CCSER1: variants seen among roughly 807,000 people sequenced by gnomAD.
CCSER1 encodes the protein serine-rich coiled-coil domain-containing protein 1.
A neutral mutation model predicts 82.0 loss-of-function variants in CCSER1; 41 were observed. The ratio of observed to expected loss-of-function variants is 0.50; its 90% confidence interval spans 0.39 to 0.65. CCSER1 has a LOEUF of 0.65. Among genes scored for constraint, CCSER1 ranks in the 30% least tolerant of loss-of-function variants. The probability of loss-of-function intolerance (pLI) is 0.00; values close to 1 mark genes in which losing one functional copy is unlikely to be tolerated. For missense variants in CCSER1, 1,119 were observed against 1,064.2 expected, an observed-to-expected ratio of 1.05 and a Z score of -0.72; for synonymous variants, 414 against 383.9, an observed-to-expected ratio of 1.08 and a Z score of -0.92.
At chr4:91,547,012 G>A (rs1175683877) in intron 10 of CCSER1, among the ~76,000 whole-genome samples, 2 of 137,650 alleles carry the variant, frequency 1.5e-5, no homozygotes, top group Non-Finnish European at 3.1e-5. Flanking sequence ...TTAGGAGTGT[G>A]TTGTTTAAAT....
intron 10 of CCSER1, among the ~76,000 whole-genome samples, chr4:91,266,397 G>C (rs1353211618): frequency 1.3e-5 from 2 of 152,052 alleles, no homozygotes; most frequent in South Asian, 2.1e-4. Flanking sequence ...GACTACAGGT[G>C]CCCGCCACCA....
intron 1 of CCSER1, among the ~76,000 whole-genome samples, chr4:90,290,312 G>A (rs570159959): frequency 3.4e-4 from 51 of 151,734 alleles, no homozygotes; most frequent in Admixed American, 7.9e-4. Flanking sequence ...TTATATTACC[G>A]AACATTTATA....
intron 10 of CCSER1, among the ~76,000 whole-genome samples, chr4:91,177,548 G>A (rs1463202532): frequency 6.6e-6 from 1 of 152,124 alleles, no homozygotes; most frequent in Non-Finnish European, 1.5e-5. Context: ...TTAGTCTTGG[G>A]AGGGTGTATG....
chr4:91,149,484 T>G (rs1038119590), intron 10 of CCSER1, among the ~76,000 whole-genome samples: 3 of 152,224 alleles, frequency 2.0e-5, no homozygotes, highest in African/African-American at 7.2e-5. Flanking sequence ...TTAGTATAAT[T>G]AGATCCCATT....
chr4:91,469,180 C>G (rs1471975157), intron 10 of CCSER1, among the ~76,000 whole-genome samples: 1 of 152,076 alleles, frequency 6.6e-6, no homozygotes, highest in Non-Finnish European at 1.5e-5. Flanking sequence ...TTTTGACAAG[C>G]TGCTCATATC....
chr4:91,174,109 G>A (rs1733053597), intron 10 of CCSER1, among the ~76,000 whole-genome samples: 1 of 152,240 alleles, frequency 6.6e-6, no homozygotes, highest in African/African-American at 2.4e-5. Flanking sequence ...TTTGAAAAGA[G>A]TAAGTACTAT....
intron 10 of CCSER1, among the ~76,000 whole-genome samples, chr4:91,260,648 G>T (rs1207829091): frequency 6.6e-6 from 1 of 151,974 alleles, no homozygotes; most frequent in African/African-American, 2.4e-5. Flanking sequence ...GTCTTCTTAC[G>T]GCAAAAGACT....
At chr4:90,928,647 G>C (rs969820010) in intron 9 of CCSER1, among the ~76,000 whole-genome samples, 3 of 152,094 alleles carry the variant, frequency 2.0e-5, no homozygotes, top group African/African-American at 7.2e-5. Context: ...ACTATGATCA[G>C]AAATTTTAAA....
intron 7 of CCSER1, among the ~76,000 whole-genome samples, chr4:90,801,533 A>G (rs1454009329): frequency 4.6e-5 from 7 of 152,190 alleles, no homozygotes; most frequent in Admixed American, 3.9e-4. Flanking sequence ...TTCTTCCTCA[A>G]TTGCTTGAAA....
intron 8 of CCSER1, among the ~76,000 whole-genome samples, chr4:90,848,062 G>A (rs941889095): frequency 6.6e-6 from 1 of 152,092 alleles, no homozygotes; most frequent in Non-Finnish European, 1.5e-5. Context: ...AATTATTGTG[G>A]ATTTTTTTAT....
intron 8 of CCSER1, among the ~76,000 whole-genome samples, chr4:90,887,377 A>C (rs1561307608): frequency 6.6e-6 from 1 of 152,282 alleles, no homozygotes; most frequent in South Asian, 2.1e-4. Flanking sequence ...ACCATGTGCA[A>C]GAAGTTGTGC....
chr4:91,262,581 C>G (rs1560551134), intron 10 of CCSER1, among the ~76,000 whole-genome samples: 1 of 151,888 alleles, frequency 6.6e-6, no homozygotes, highest in Non-Finnish European at 1.5e-5. Context: ...TTATAACTTT[C>G]CTCAATATAG....
chr4:90,129,830 G>A (rs868285543), intron 1 of CCSER1, among the ~76,000 whole-genome samples: 2 of 152,296 alleles, frequency 1.3e-5, no homozygotes. Flanking sequence ...AGCATGTGCA[G>A]CTTTAAATAT....
intron 10 of CCSER1, among the ~76,000 whole-genome samples, chr4:91,260,931 C>A (rs189921200): frequency 7.0e-4 from 107 of 151,780 alleles, no homozygotes; most frequent in Non-Finnish European, 1.4e-3. Flanking sequence ...AGGCTAATTT[C>A]TTTTTGTATT....
intron 7 of CCSER1, among the ~76,000 whole-genome samples, chr4:90,787,628 G>A (rs1371000036): frequency 6.6e-6 from 1 of 152,116 alleles, no homozygotes; most frequent in Non-Finnish European, 1.5e-5. Flanking sequence ...GTGTAGCAGG[G>A]TATTTATTCA....
At chr4:90,303,375 G>A (rs537832715) in intron 1 of CCSER1, among the ~76,000 whole-genome samples, 4 of 152,176 alleles carry the variant, frequency 2.6e-5, no homozygotes, top group East Asian at 3.9e-4. Context: ...AAAGCTGGAG[G>A]CATCACACTA....
intron 6 of CCSER1, among the ~76,000 whole-genome samples, chr4:90,671,288 T>C (rs1241948018): frequency 2.0e-5 from 3 of 152,034 alleles, no homozygotes; most frequent in Admixed American, 1.3e-4. Context: ...CGTGATGCTG[T>C]TTGGTAGCAT....
intron 10 of CCSER1, among the ~76,000 whole-genome samples, chr4:91,474,808 TATATACACACACACACAC>T (rs913411486): frequency 6.2e-5 from 4 of 64,270 alleles, no homozygotes; most frequent in African/African-American, 2.5e-4. Context: ...TATATATATA[TATATACACACACACACAC>T]ACACACACAC....
chr4:91,334,391 A>C (rs1747174779), intron 10 of CCSER1, among the ~76,000 whole-genome samples: 2 of 152,190 alleles, frequency 1.3e-5, no homozygotes, highest in East Asian at 1.9e-4. Context: ...TCCCTAATTC[A>C]TTAAAAAGTT....
Sources: gnomAD v4.1 joint callset for allele counts (sites outside exome capture counted in the v4.1 genomes callset) on GRCh38, gnomAD v4.1.1 for gene constraint, MANE v1.5 for transcripts, NCBI Gene and HGNC (gene_info 2026-07-23, HGNC 2026-07-21) for gene names.